The following SOX5 variants were observed in gnomAD, a reference collection of about 807,000 sequenced individuals.
The protein encoded by SOX5 is SRY-box transcription factor 5.
SOX5 carries 9 observed loss-of-function variants against 92.0 expected under a neutral mutation model. The ratio of observed to expected loss-of-function variants is 0.10; its 90% CI spans 0.06 to 0.17. The LOEUF (loss-of-function observed/expected upper bound fraction) is 0.17. SOX5 is among the 10% of genes least tolerant of loss of function. The probability of loss-of-function intolerance (pLI) is 1.00; values close to 1 mark genes in which losing one functional copy is unlikely to be tolerated. For synonymous variants in SOX5, 344 were observed against 336.3 expected, an observed-to-expected ratio of 1.02 and a Z score of -0.25; for missense variants, 642 against 944.5, an observed-to-expected ratio of 0.68 and a Z score of 4.20.
chr12:24,171,788 A>C (rs1199350682), intron 4 of SOX5, among the ~76,000 whole-genome samples: 2 of 152,026 alleles, frequency 1.3e-5, no homozygotes, highest in Non-Finnish European at 2.9e-5. Context: ...GCTGGAGCCC[A>C]GGAGTTCGAG....
intron 3 of SOX5, among the ~76,000 whole-genome samples, chr12:23,812,889 A>G (rs1043322706): frequency 6.6e-6 from 1 of 152,196 alleles, no homozygotes; most frequent in South Asian, 2.1e-4. Context: ...AAGTAAAAAG[A>G]CAAGTCCGAC....
At position 23,672,802 on chromosome 12, in the gene SOX5, T is replaced by C. The variant is rs569050030; in HGVS notation, c.811-7238A>G. The stretch of plus-strand genomic sequence containing the variant: ...AGGATACAACCACTTTCAAAGGATA[T>C]AGAATTAAGACCTCTGTTACTTTAA... On this transcript the variant is annotated intron_variant, in intron 6 of 14. Transcript: ENST00000451604. 5.3e-5 allele frequency among the ~76,000 whole-genome samples: 8 copies of C among 152,298 alleles called. No homozygotes were observed. In the South Asian group the frequency reaches 1.2e-3, roughly 24 times the overall value.
chr12:24,044,656 A>G (rs1956830384), intron 4 of SOX5, among the ~76,000 whole-genome samples: 1 of 152,204 alleles, frequency 6.6e-6, no homozygotes. Context: ...CCAAATATAA[A>G]TTAGTGTTTG....
At chr12:24,061,958 GTTC>G (rs1939804051) in intron 4 of SOX5, among the ~76,000 whole-genome samples, 1 of 152,062 alleles carries the variant, frequency 6.6e-6, no homozygotes, top group Non-Finnish European at 1.5e-5. Context: ...TGAGAGTTTT[GTTC>G]TTGTTTCATA....
At chr12:23,822,442 G>A (rs185393679) in intron 3 of SOX5, among the ~76,000 whole-genome samples, 46 of 152,306 alleles carry the variant, frequency 3.0e-4, no homozygotes, top group Non-Finnish European at 5.0e-4. Context: ...TTTTGAGTGA[G>A]TTTCTTAATC....
intron 3 of SOX5, among the ~76,000 whole-genome samples, chr12:24,250,881 A>C (rs928489113): frequency 1.3e-5 from 2 of 152,166 alleles, no homozygotes; most frequent in Non-Finnish European, 1.5e-5. Context: ...GCAGGCCCAC[A>C]ATTCTGTGTA....
intron 3 of SOX5, among the ~76,000 whole-genome samples, chr12:23,816,003 A>T (rs1008882375): frequency 1.3e-5 from 2 of 152,184 alleles, no homozygotes; most frequent in African/African-American, 4.8e-5. Context: ...TATAGGCACA[A>T]ATTTGAATTT....
chr12:23,536,804 A>G, intron 13 of SOX5, 135 bp from the exon 14 acceptor site: 2 of 677,544 alleles, frequency 3.0e-6, no homozygotes, highest in South Asian at 1.7e-5. Flanking sequence ...GTTTTTGATT[A>G]GTGAGATCCC....
intron 2 of SOX5, among the ~76,000 whole-genome samples, chr12:24,327,010 G>T (rs1406144937): frequency 6.6e-6 from 1 of 152,180 alleles, no homozygotes. Context: ...CTCAGACACA[G>T]TAGGTGCTCA....
intron 8 of SOX5, among the ~76,000 whole-genome samples, chr12:23,618,774 C>A (rs1193400956): frequency 6.6e-6 from 1 of 152,134 alleles, no homozygotes; most frequent in East Asian, 1.9e-4. Flanking sequence ...TGAAATTCTT[C>A]TGTGATGTAA....
At chr12:24,215,800 GA>G (rs772664873) in intron 3 of SOX5, among the ~76,000 whole-genome samples, 79 of 133,154 alleles carry the variant, frequency 5.9e-4, no homozygotes, top group East Asian at 1.3e-3. Context: ...CATCGATCCT[GA>G]AAAAAAAAAA....
At chr12:24,484,537 A>ATG (rs942431725) in intron 1 of SOX5, among the ~76,000 whole-genome samples, 1 of 152,044 alleles carries the variant, frequency 6.6e-6, no homozygotes, top group Non-Finnish European at 1.5e-5. Flanking sequence ...TGGTGGGCCT[A>ATG]TGTGTGTGTG....
At chr12:24,358,406 A>G (rs543170327) in intron 2 of SOX5, among the ~76,000 whole-genome samples, 5 of 152,326 alleles carry the variant, frequency 3.3e-5, no homozygotes, top group African/African-American at 1.2e-4. Context: ...AAATTCTCTG[A>G]AGTGTTCCTT....
chr12:23,537,014 A>G (rs968085181), intron 13 of SOX5, among the ~76,000 whole-genome samples: 6 of 152,126 alleles, frequency 3.9e-5, no homozygotes, highest in Admixed American at 3.9e-4. Flanking sequence ...ATGATATGTT[A>G]TCATGCATTT....
At chr12:23,987,788 G>A in intron 4 of SOX5, among the ~76,000 whole-genome samples, 1 of 152,174 alleles carries the variant, frequency 6.6e-6, no homozygotes, top group East Asian at 1.9e-4. Context: ...GCTAGACCCT[G>A]CCTTGAAAAC....
intron 2 of SOX5, among the ~76,000 whole-genome samples, chr12:24,298,484 A>G (rs901691564): frequency 1.3e-5 from 2 of 152,176 alleles, no homozygotes; most frequent in African/African-American, 4.8e-5. Context: ...TAATATTTTT[A>G]AAAGTTGTTT....
intron 1 of SOX5, among the ~76,000 whole-genome samples, chr12:24,498,082 G>A (rs984004254): frequency 2.6e-5 from 4 of 152,080 alleles, no homozygotes; most frequent in African/African-American, 9.7e-5. Context: ...GAGAGCATCA[G>A]AAAGAATAGG....
chr12:23,593,443 G>T (rs1284661382), intron 9 of SOX5, among the ~76,000 whole-genome samples: 2 of 152,076 alleles, frequency 1.3e-5, no homozygotes, highest in Non-Finnish European at 2.9e-5. Flanking sequence ...TAATATTTTG[G>T]ATAGGCTCTG....
At chr12:23,861,852 G>T (rs1468872883) in intron 2 of SOX5, among the ~76,000 whole-genome samples, 1 of 152,042 alleles carries the variant, frequency 6.6e-6, no homozygotes, top group Admixed American at 6.6e-5. Context: ...ATTATACTTA[G>T]CAACATCAAA....
Sources: gnomAD v4.1 joint callset for allele counts (sites outside exome capture counted in the v4.1 genomes callset) on GRCh38, gnomAD v4.1.1 for gene constraint, MANE v1.5 for transcripts, NCBI Gene and HGNC (gene_info 2026-07-23, HGNC 2026-07-21) for gene names.